Variants in SRPRB observed in about 807,000 individuals in gnomAD.
SRPRB encodes SRP receptor subunit beta, also known as signal recognition particle receptor subunit beta.
A neutral mutation model predicts 31.9 loss-of-function variants in SRPRB; 20 were observed. That is an observed-to-expected ratio of 0.63 (90% CI 0.44 to 0.91). The LOEUF (loss-of-function observed/expected upper bound fraction) is 0.91, where lower values mean the gene tolerates loss of function less well. Ranked by LOEUF, SRPRB falls within the 40% of genes least tolerant of loss-of-function variation. SRPRB has a pLI of 0.00. For missense variants in SRPRB, 321 were observed against 324.9 expected (o/e 0.99, Z 0.09); for synonymous variants, 146 against 132.8 (o/e 1.10, Z -0.68).
Position 133,806,708 on chromosome 3 carries a change from A to G in SRPRB, c.249+5A>G, listed in dbSNP as rs1258193050. 5 of 1,610,216 alleles carry G rather than the reference A, an allele frequency of 3.1e-6. No homozygotes were observed. Among genetic ancestry groups the G allele is most frequent in the East Asian group, 2.2e-5 (1 of 44,878 alleles). On this transcript the variant is annotated splice_donor_5th_base_variant and intron_variant, in intron 2 of 6. Coordinates refer to ENST00000678299, the MANE Select transcript of SRPRB (RefSeq NM_001379313.1). ...AAAACGTTGCTCTTTGTCAGGGTAA[A>G]TGATTTCATTGACACCCCTGTTAAG... is the stretch of plus-strand genomic sequence containing the variant.
intron 6 of SRPRB, among the ~76,000 whole-genome samples, chr3:133,819,127 TA>T (rs1195917791): frequency 2.0e-5 from 3 of 152,202 alleles, no homozygotes; most frequent in Non-Finnish European, 1.5e-5. Flanking sequence ...GGTGGATTTC[TA>T]AACTCCATAT....
At chr3:133,809,207 G>A (rs1935215792) in intron 3 of SRPRB, among the ~76,000 whole-genome samples, 1 of 152,142 alleles carries the variant, frequency 6.6e-6, no homozygotes, top group East Asian at 2.0e-4. Context: ...TGGCCAGGCT[G>A]GTCTTGAACT....
chr3:133,809,317 T>A (rs956157420), intron 3 of SRPRB, among the ~76,000 whole-genome samples: 2 of 152,106 alleles, frequency 1.3e-5, no homozygotes, highest in African/African-American at 4.8e-5. Context: ...GGTGAGTGAG[T>A]GGAGTGAGGG....
intron 3 of SRPRB, among the ~76,000 whole-genome samples, chr3:133,809,235 C>T (rs1165609463): frequency 2.0e-5 from 3 of 152,048 alleles, no homozygotes; most frequent in African/African-American, 4.8e-5. Context: ...TCAAGTGATC[C>T]GCCCACCTCA....
chr3:133,801,342 C>T (rs986688508), upstream of SRPRB, among the ~76,000 whole-genome samples: 36 of 152,184 alleles, frequency 2.4e-4, no homozygotes, highest in African/African-American at 8.4e-4. Context: ...GCATTCGTGC[C>T]CACGGAGCTC....
chr3:133,818,929 G>A (rs1935414449), intron 6 of SRPRB, among the ~76,000 whole-genome samples: 1 of 151,970 alleles, frequency 6.6e-6, no homozygotes, highest in African/African-American at 2.4e-5. Flanking sequence ...AAGAAGATTG[G>A]CAGCATGTAT....
At chr3:133,827,965 A>T (rs1455933751), downstream of SRPRB, 1 of 703,024 alleles carries the variant, frequency 1.4e-6, no homozygotes, top group Non-Finnish European at 2.6e-6. Context: ...CGCACCACGC[A>T]GCTGCAATTG....
At chr3:133,823,034 A>G (rs1178417050), downstream of SRPRB, among the ~76,000 whole-genome samples, 4 of 152,240 alleles carry the variant, frequency 2.6e-5, no homozygotes, top group African/African-American at 9.6e-5. Flanking sequence ...TCTGAGGTTA[A>G]GAAACGTGCC....
chr3:133,820,032 T>G lies in SRPRB; in HGVS notation c.*266T>G, dbSNP rs1935443636. The stretch of plus-strand genomic sequence containing the variant: ...TGTTAAGGTGTAACTTGATGTAGGG[T>G]CAAGGTTTTTGTGACAACAGGCAGA... On this transcript the variant is annotated 3_prime_UTR_variant, in exon 7 of 7. Transcript: ENST00000678299. The G allele has an allele frequency of 2.4e-6, 1 of 411,226 alleles. No individual in the cohort carries two copies. Among genetic ancestry groups the G allele is most frequent in the Non-Finnish European group, 4.5e-6 (1 of 223,710 alleles). 25.5% of individuals were successfully genotyped at this position (411,226 alleles called of 1,614,324 possible).
chr3:133,805,718 G>A, upstream of SRPRB: 1 of 1,254,862 alleles, frequency 8.0e-7, no homozygotes, highest in Non-Finnish European at 1.1e-6. Context: ...TCAAGCACTT[G>A]GGGGATCGCC....
rs547860187 is a variant in SRPRB at position 133,818,632 on chromosome 3, A to G, written c.603-921A>G. Among the ~76,000 whole-genome samples the G allele has an allele frequency of 1.7e-4, 26 of 152,272 alleles. No homozygotes were observed. In the South Asian group the frequency reaches 4.6e-3, roughly 27 times the overall value. On this transcript the variant is annotated intron_variant, in intron 6 of 6. Transcript: ENST00000678299. ...TGTAAAATATCTTACTTATAATAGTATATATGTCACATGCATTAAGCTTAA... is the reference window on the plus strand; with the variant it reads ...TGTAAAATATCTTACTTATAATAGTGTATATGTCACATGCATTAAGCTTAA...
At chr3:133,786,808 C>CAT (rs1476651236) in intron 1 of SRPRB, 2 of 152,186 alleles carry the variant, frequency 1.3e-5, no homozygotes, top group African/African-American at 2.4e-5. Context: ...GACTTCTGTG[C>CAT]ATATAGTGGA....
chr3:133,801,437 G>A (rs1430786159), upstream of SRPRB, among the ~76,000 whole-genome samples: 8 of 152,180 alleles, frequency 5.3e-5, no homozygotes, highest in African/African-American at 1.9e-4. Context: ...ACTTCTCACT[G>A]AGTGTGGGAG....
At chr3:133,785,074 A>G (rs1395916601) in intron 1 of SRPRB, 1 of 117,046 alleles carries the variant, frequency 8.5e-6, no homozygotes, top group African/African-American at 3.1e-5. Context: ...CCCTACTGGG[A>G]AGTGAGGAGC....
chr3:133,818,939 T>G (rs1052215195), intron 6 of SRPRB, among the ~76,000 whole-genome samples: 1 of 152,140 alleles, frequency 6.6e-6, no homozygotes, highest in Admixed American at 6.5e-5. Context: ...GCAGCATGTA[T>G]TCCTCTGCTT....
chr3:133,811,325 CTTGG>C, intron 4 of SRPRB, 126 bp downstream of exon 4: 1 of 872,042 alleles, frequency 1.1e-6, no homozygotes, highest in Non-Finnish European at 1.7e-6. Context: ...TTGAGGTGAC[CTTGG>C]GGTCAGCCAG....
intron 1 of SRPRB, chr3:133,791,272 A>G (rs1396439723): frequency 6.6e-6 from 1 of 152,188 alleles, no homozygotes; most frequent in Non-Finnish European, 1.5e-5. Flanking sequence ...ATATTTTCAT[A>G]AACAGAATTT....
chr3:133,819,544 G>C lies in SRPRB; in HGVS notation c.603-9G>C, dbSNP rs1343539144. 4 of 1,603,082 alleles carry C rather than the reference G, an allele frequency of 2.5e-6. No individual in the cohort carries two copies. The highest frequency in any genetic ancestry group is 8.5e-7 in the Non-Finnish European group (1 of 1,170,894). ...TTTGCCTCCTGACTTCTTTCCTTTT[G>C]CCCCACAGCAACACCTTACGAGTTA... On this transcript the variant is annotated splice_polypyrimidine_tract_variant and intron_variant, in intron 6 of 6. Coordinates refer to ENST00000678299, the MANE Select transcript of SRPRB (RefSeq NM_001379313.1).
intron 4 of SRPRB, among the ~76,000 whole-genome samples, chr3:133,814,408 G>C (rs1176589185): frequency 6.6e-6 from 1 of 151,932 alleles, no homozygotes; most frequent in Non-Finnish European, 1.5e-5. Context: ...TGGGATTACA[G>C]GCGTGAGCCA....
Sources: gnomAD v4.1 joint callset for allele counts (sites outside exome capture counted in the v4.1 genomes callset) on GRCh38, gnomAD v4.1.1 for gene constraint, MANE v1.5 for transcripts, NCBI Gene and HGNC (gene_info 2026-07-23, HGNC 2026-07-21) for gene names.